The following HDHD5 variants were observed in gnomAD, a reference collection of about 807,000 sequenced individuals.
The protein encoded by HDHD5 is haloacid dehalogenase-like hydrolase domain-containing 5.
HDHD5 carries 34 observed loss-of-function variants against 35.5 expected under a neutral mutation model. The observed-to-expected ratio is 0.96, with a 90% CI of 0.73 to 1.28. The LOEUF (loss-of-function observed/expected upper bound fraction) is 1.28. Ranked by LOEUF, HDHD5 falls within the 50% of genes most tolerant of loss-of-function variation. The pLI, the probability that HDHD5 is intolerant of heterozygous loss-of-function variation, is 0.00. For missense variants in HDHD5, 589 were observed against 560.2 expected, an observed-to-expected ratio of 1.05 and a Z score of -0.52; for synonymous variants, 248 against 240.6, an observed-to-expected ratio of 1.03 and a Z score of -0.29.
At chr22:17,144,844 G>A (rs576829787) in intron 4 of HDHD5, among the ~76,000 whole-genome samples, 180 bp downstream of exon 4, 1 of 152,144 alleles carries the variant, frequency 6.6e-6, no homozygotes, top group African/African-American at 2.4e-5. Context: ...AGCCACCGCA[G>A]CCAGCCTCTG....
intron 4 of HDHD5, 133 bp from the exon 5 acceptor site, chr22:17,143,264 A>C: frequency 1.1e-6 from 1 of 891,512 alleles, no homozygotes; most frequent in Non-Finnish European, 1.6e-6. Context: ...GTCAAGCCCA[A>C]GCCAAGGGAA....
At chr22:17,140,472 C>G (rs2061587513) in intron 6 of HDHD5, among the ~76,000 whole-genome samples, 1 of 152,102 alleles carries the variant, frequency 6.6e-6, no homozygotes, top group Non-Finnish European at 1.5e-5. Context: ...GTAATCCCGG[C>G]ACTTTTGGAG....
intron 6 of HDHD5, among the ~76,000 whole-genome samples, chr22:17,139,520 T>C (rs1317160855): frequency 7.0e-6 from 1 of 142,738 alleles, no homozygotes; most frequent in Non-Finnish European, 1.6e-5. Context: ...AGAGCAAGAC[T>C]CCATCTAAAA....
At chr22:17,139,137 C>T (rs565367725) in intron 6 of HDHD5, among the ~76,000 whole-genome samples, 1 of 152,338 alleles carries the variant, frequency 6.6e-6, no homozygotes, top group South Asian at 2.1e-4. Flanking sequence ...AAAAGACCTT[C>T]GCTTGCCTCC....
At chr22:17,156,277 TA>T (rs1178437599) in intron 1 of HDHD5, among the ~76,000 whole-genome samples, 2 of 152,096 alleles carry the variant, frequency 1.3e-5, no homozygotes, top group Non-Finnish European at 2.9e-5. Context: ...CCTGGGCTAG[TA>T]GGTGTTTGTG....
At chr22:17,142,841 T>G in intron 5 of HDHD5, 1 of 431,032 alleles carries the variant, frequency 2.3e-6, no homozygotes, top group Non-Finnish European at 4.1e-6. Context: ...CTAGACTAGA[T>G]CACCTCTAGG....
chr22:17,139,798 G>A (rs1194795461), intron 6 of HDHD5, among the ~76,000 whole-genome samples: 1 of 152,204 alleles, frequency 6.6e-6, no homozygotes, highest in Non-Finnish European at 1.5e-5. Flanking sequence ...ATCTTGAACT[G>A]ACCTCAGGTG....
intron 1 of HDHD5, among the ~76,000 whole-genome samples, chr22:17,164,710 T>C (rs1320221814): frequency 6.6e-6 from 1 of 152,180 alleles, no homozygotes; most frequent in Non-Finnish European, 1.5e-5. Context: ...CTTAACCACA[T>C]GGTCATGCCT....
upstream of HDHD5, among the ~76,000 whole-genome samples, chr22:17,163,193 T>C (rs1268421406): frequency 5.3e-5 from 8 of 152,110 alleles, no homozygotes; most frequent in Non-Finnish European, 1.2e-4. Flanking sequence ...ACTCGTGGGG[T>C]TTGTTAAATC....
chr22:17,153,265 A>G (rs941300489), intron 1 of HDHD5, among the ~76,000 whole-genome samples: 1 of 152,188 alleles, frequency 6.6e-6, no homozygotes, highest in African/African-American at 2.4e-5. Context: ...TGTTCAATAT[A>G]CAGGCACTAA....
chr22:17,151,243 C>T (rs73149858), intron 1 of HDHD5, among the ~76,000 whole-genome samples: 4,364 of 152,294 alleles, frequency 0.029, 85 homozygotes, highest in South Asian at 0.042. Flanking sequence ...AAGCTGAATG[C>T]TGTTTTTAAA....
At chr22:17,157,222 A>T (rs2061807405) in intron 1 of HDHD5, among the ~76,000 whole-genome samples, 1 of 152,170 alleles carries the variant, frequency 6.6e-6, no homozygotes, top group African/African-American at 2.4e-5. Flanking sequence ...AAAAAATTTT[A>T]AAAATTAAAA....
Position 17,159,178 on chromosome 22 carries a change from G to T in HDHD5, c.74C>A (p.Ala25Glu), listed in dbSNP as rs769568381. 4.1e-6 allele frequency: 5 copies of T among 1,214,372 alleles called. No homozygotes were observed. The allele number at this position is 1,214,372 out of a possible 1,614,324, so 75.2% of individuals were successfully genotyped here. A position where few individuals can be genotyped will look rare whatever the true frequency, so the allele number is the denominator to read the frequency against. Residue 25 changes from alanine (A) to glutamate (E), a missense_variant, in exon 1 of 8, where the codon GCG (alanine) becomes GAG (glutamate). Coordinates refer to ENST00000336737, the MANE Select transcript of HDHD5 (RefSeq NM_033070.3). ...GCGGGCGGGGCGGCCCTGGAGCCCC[G>T]CAGCCGCGCGCGCCGCCCGCCAGCA... ...GLCWRAARAA[A>E]GLQGRPARRC... is the part of the protein sequence containing the mutation.
intron 6 of HDHD5, among the ~76,000 whole-genome samples, chr22:17,140,030 G>C (rs2061582273): frequency 6.6e-6 from 1 of 152,188 alleles, no homozygotes; most frequent in South Asian, 2.1e-4. Flanking sequence ...TAATACTTCA[G>C]AGACAATGCC....
At position 17,138,533 on chromosome 22, in the gene HDHD5, G is replaced by A. The variant is rs766430183; in HGVS notation, c.935+17C>T. 6.2e-7 allele frequency: 1 copy of A among 1,610,740 alleles called. No individual in the cohort carries two copies. Among genetic ancestry groups the A allele is most frequent in the African/African-American group, 1.3e-5 (1 of 74,818 alleles). On this transcript the variant is annotated intron_variant, in intron 7 of 7. Coordinates refer to ENST00000336737, the MANE Select transcript of HDHD5 (RefSeq NM_033070.3). ...GGGATGTCATAAAAGGGACAAAGGA[G>A]GGAGAGCAGAGCCTACCCCACAGCA...
chr22:17,159,879 A>G (rs1420523545), upstream of HDHD5: 2 of 223,906 alleles, frequency 8.9e-6, no homozygotes, highest in Non-Finnish European at 1.8e-5. Context: ...TGACTAAGTC[A>G]GCAAACACTT....
intron 3 of HDHD5, among the ~76,000 whole-genome samples, chr22:17,147,627 A>G (rs374090435): frequency 0.047 from 1,616 of 34,422 alleles, no homozygotes; most frequent in Middle Eastern, 0.13. Flanking sequence ...ACCGGCCTTC[A>G]ATCACACGCC....
intron 2 of HDHD5, 46 bp downstream of exon 2, chr22:17,149,496 T>C (rs772283635): frequency 1.3e-6 from 2 of 1,583,552 alleles, no homozygotes; most frequent in South Asian, 1.1e-5. Context: ...GCGGCTCCAT[T>C]AGGAACCAGG....
chr22:17,148,561 C>G lies in HDHD5; in HGVS notation c.331-1G>C. 6.2e-7 allele frequency: 1 copy of G among 1,611,506 alleles called. No individual in the cohort carries two copies. Among genetic ancestry groups the G allele is most frequent in the Non-Finnish European group, 8.5e-7 (1 of 1,177,656 alleles). ...AGAGGATAACTTGGTCTGCATCCACCTGTAGGGACAGCCAAGACAGGGGAG... is the reference window on the plus strand; with the variant it reads ...AGAGGATAACTTGGTCTGCATCCACGTGTAGGGACAGCCAAGACAGGGGAG... On this transcript the variant is annotated splice_acceptor_variant, in intron 2 of 7. Transcript: ENST00000336737. LOFTEE classifies it high-confidence loss of function.
Sources: gnomAD v4.1 joint callset for allele counts (sites outside exome capture counted in the v4.1 genomes callset) on GRCh38, gnomAD v4.1.1 for gene constraint, MANE v1.5 for transcripts, NCBI Gene and HGNC (gene_info 2026-07-23, HGNC 2026-07-21) for gene names.